MEX3A: variants seen among roughly 807,000 people sequenced by gnomAD.
MEX3A encodes the protein RNA-binding protein MEX3A.
Under a neutral mutation model 30.0 loss-of-function variants are expected in MEX3A, and 4 were observed. The observed-to-expected ratio is 0.13, with a 90% CI of 0.07 to 0.30. The LOEUF is 0.30. Among genes scored for constraint, MEX3A ranks in the 10% least tolerant of loss-of-function variants. MEX3A has a pLI of 1.00. For synonymous variants in MEX3A, 335 were observed against 327.6 expected (o/e 1.02, Z -0.24); for missense variants, 555 against 736.7 (o/e 0.75, Z 2.86).
At chr1:156,078,690 T>A (rs900030671) in intron 1 of MEX3A, among the ~76,000 whole-genome samples, 10 of 152,154 alleles carry the variant, frequency 6.6e-5, no homozygotes, top group Admixed American at 4.6e-4. Context: ...CTCTCCTCCT[T>A]ACCCACCTTC....
In MEX3A at chr1:156,077,694, C is replaced by T. The variant is rs1381510574; in HGVS notation, c.455-12G>A. 1.9e-6 allele frequency: 3 copies of T among 1,565,438 alleles called. No homozygotes were observed. The highest frequency in any genetic ancestry group is 2.6e-6 in the Non-Finnish European group (3 of 1,159,804). On this transcript the variant is annotated splice_polypyrimidine_tract_variant and intron_variant, in intron 1 of 1. Transcript: ENST00000532414. This position sits in a 1 kb window ranked among gnomAD's most constrained non-coding sequence, Gnocchi z 8.3. Reference sequence around the variant, plus strand: ...CTTAATCTTGCAGCCTGGGATAGGGCGGGGAAGGAGAGAGACAAAGAAACG... The same window carrying T: ...CTTAATCTTGCAGCCTGGGATAGGGTGGGGAAGGAGAGAGACAAAGAAACG...
Position 156,077,780 on chromosome 1 carries a change from TC to T in MEX3A, c.455-99del. ...CTGATCCTTACCCAAATACCTAGCC[TC>T]CCAGGAACACTTCAGTCTACCCTTT... On this transcript the variant is annotated intron_variant, in intron 1 of 1. Coordinates refer to ENST00000532414, the MANE Select transcript of MEX3A (RefSeq NM_001093725.2). This position sits in a 1 kb window ranked among gnomAD's most constrained non-coding sequence, Gnocchi z 8.3. The T allele has an allele frequency of 6.9e-7, 1 of 1,444,776 alleles. No homozygotes were observed. Among genetic ancestry groups the T allele is most frequent in the South Asian group, 1.5e-5 (1 of 68,718 alleles). 89.5% of individuals were successfully genotyped at this position (1,444,776 alleles called of 1,614,324 possible). A position where few individuals can be genotyped will look rare whatever the true frequency, so the allele number is the denominator to read the frequency against.
chr1:156,077,793 T>G lies in MEX3A; in HGVS notation c.455-111A>C, dbSNP rs1648115614. On this transcript the variant is annotated intron_variant, in intron 1 of 1. Coordinates refer to ENST00000532414, the MANE Select transcript of MEX3A (RefSeq NM_001093725.2). The surrounding 1 kb of genome is among the most constrained non-coding windows in gnomAD (Gnocchi z 8.3). ...AAATACCTAGCCTCCCAGGAACACTTCAGTCTACCCTTTGAAATGCCCACT... is the reference window on the plus strand; with the variant it reads ...AAATACCTAGCCTCCCAGGAACACTGCAGTCTACCCTTTGAAATGCCCACT... 7.0e-7 allele frequency: 1 copy of G among 1,424,656 alleles called. No individual in the cohort carries two copies. The highest frequency in any genetic ancestry group is 1.4e-5 in the African/African-American group (1 of 69,760). The allele number at this position is 1,424,656 out of a possible 1,614,324, so 88.3% of individuals were successfully genotyped here. A position where few individuals can be genotyped will look rare whatever the true frequency, so the allele number is the denominator to read the frequency against.
rs186607460 is a variant in MEX3A, at chr1:156,072,229, C to T, written c.*4345G>A. ...AGATGCCTCAAATTAAGTCTGACCA[C>T]AATCCTACTCTACTTTCTACAGTGG... is the stretch of plus-strand genomic sequence containing the variant. On this transcript the variant is annotated 3_prime_UTR_variant, in exon 2 of 2. Coordinates refer to ENST00000532414, the MANE Select transcript of MEX3A (RefSeq NM_001093725.2). The T allele has an allele frequency of 2.0e-5, 3 of 152,766 alleles. No individual in the cohort carries two copies. The highest frequency in any genetic ancestry group is 2.0e-4 in the Admixed American group (3 of 15,290). 9.5% of individuals were successfully genotyped at this position (152,766 alleles called of 1,614,324 possible). A position where few individuals can be genotyped will look rare whatever the true frequency, so the allele number is the denominator to read the frequency against.
In MEX3A at chr1:156,075,594, G is replaced by A. The variant is rs1159532203; in HGVS notation, c.*980C>T. The A allele has an allele frequency of 6.5e-6, 1 of 152,772 alleles. No homozygotes were observed. Among genetic ancestry groups the A allele is most frequent in the Non-Finnish European group, 1.5e-5 (1 of 68,060 alleles). 9.5% of individuals were successfully genotyped at this position (152,772 alleles called of 1,614,324 possible). The stretch of plus-strand genomic sequence containing the variant: ...TTGAGATGTTTCTTTGGAGGAGTGG[G>A]GGAGAGGGCCTCCAGATGCCTGAAG... On this transcript the variant is annotated 3_prime_UTR_variant, in exon 2 of 2. Transcript: ENST00000532414.
rs1054498093 is a variant in MEX3A, at chr1:156,074,314, T to A, written c.*2260A>T. On this transcript the variant is annotated 3_prime_UTR_variant, in exon 2 of 2. Transcript: ENST00000532414. Reference sequence around the variant, plus strand: ...ATAATAAATTACCTAATAAAAAGTCTTTTTTTTTCATATTAGCCCAGGTTC... The same window carrying A: ...ATAATAAATTACCTAATAAAAAGTCATTTTTTTTCATATTAGCCCAGGTTC... 2 of 150,048 alleles carry A rather than the reference T, an allele frequency of 1.3e-5. No homozygotes were observed. The highest frequency in any genetic ancestry group is 1.3e-4 in the Admixed American group (2 of 15,086). The allele number at this position is 150,048 out of a possible 1,614,324, so 9.3% of individuals were successfully genotyped here.
rs763926521 is a variant in MEX3A, at chr1:156,077,294, G to A, written c.843C>T (p.Arg281=). 6.2e-7 allele frequency: 1 copy of A among 1,613,946 alleles called. No individual in the cohort carries two copies. Among genetic ancestry groups the A allele is most frequent in the Non-Finnish European group, 8.5e-7 (1 of 1,179,862 alleles). ...CCGCGATGTGCGTCTCGATCTCCTC[G>A]CGCGCACGCTCCACGTTGCCTGGGG... ...TGAPGNVERA[R]EEIETHIAVR... Residue 281 remains arginine, a synonymous_variant, in exon 2 of 2, where the codon CGC becomes CGT. Coordinates refer to ENST00000532414, the MANE Select transcript of MEX3A (RefSeq NM_001093725.2). The surrounding 1 kb of genome is among the most constrained non-coding windows in gnomAD (Gnocchi z 8.3).
In MEX3A at chr1:156,081,931, C is replaced by T. The variant is rs767446628; in HGVS notation, c.68G>A (p.Gly23Glu). 11 of 1,538,628 alleles carry T rather than the reference C, an allele frequency of 7.1e-6. No individual in the cohort carries two copies. In the African/African-American group the frequency reaches 1.1e-4, roughly 16 times the overall value. The change falls in exon 1 of 2, where the codon GGG becomes GAG. Residue 23 changes from glycine (G) to glutamate (E), a missense_variant. Physicochemically the swap from Gly to Glu is moderately conservative, Grantham distance 98. This residue lies in a region of MEX3A where 159 missense variants were observed against 159.9 expected (regional missense o/e 0.99). Coordinates refer to ENST00000532414, the MANE Select transcript of MEX3A (RefSeq NM_001093725.2). ...NGGFGELGCF[G>E]GSAKDRGLLE... ...CAGCCCTCGGTCCTTAGCGCTTCCC[C>T]CGAAACATCCTAGTTCTCCAAAGCC...
chr1:156,079,783 G>A (rs1021498084), intron 1 of MEX3A, among the ~76,000 whole-genome samples: 2 of 152,172 alleles, frequency 1.3e-5, no homozygotes, highest in Non-Finnish European at 2.9e-5. Context: ...ATGAGAGCTA[G>A]GTATCTTTAG....
At chr1:156,081,208 G>GC (rs1403655081) in intron 1 of MEX3A, among the ~76,000 whole-genome samples, 1 of 152,198 alleles carries the variant, frequency 6.6e-6, no homozygotes, top group African/African-American at 2.4e-5. Context: ...GTAACTCTTT[G>GC]CACATTCCGT....
chr1:156,076,871 G>T lies in MEX3A; in HGVS notation c.1266C>A (p.Pro422=). Residue 422 remains proline, a synonymous_variant, in exon 2 of 2, where the codon CCC becomes CCA. Coordinates refer to ENST00000532414, the MANE Select transcript of MEX3A (RefSeq NM_001093725.2). This position sits in a 1 kb window ranked among gnomAD's most constrained non-coding sequence, Gnocchi z 6.0. ...SSSSAKARAG[P]PGAHRSPATS... is the part of the protein sequence containing the mutation. ...TGGCAGGGGAGCGGTGTGCGCCCGG[G>T]GGCCCAGCGCGGGCCTTGGCGGAAG... 2 of 1,538,966 alleles carry T rather than the reference G, an allele frequency of 1.3e-6. No homozygotes were observed. Among genetic ancestry groups the T allele is most frequent in the Non-Finnish European group, 1.8e-6 (2 of 1,142,308 alleles).
chr1:156,077,037 C>G lies in MEX3A; in HGVS notation c.1100G>C (p.Gly367Ala). 1 of 1,613,832 alleles carries G rather than the reference C, an allele frequency of 6.2e-7. No individual in the cohort carries two copies. Among genetic ancestry groups the G allele is most frequent in the Admixed American group, 1.7e-5 (1 of 60,028 alleles). ...CACGCCATAGCCCGGAAAGAGGTAC[C>G]CGCCGTAGCCAAAGTCCCCGCCCTG... ...GEQGGDFGYG[G>A]YLFPGYGVGK... The change falls in exon 2 of 2, where the codon GGG (glycine) becomes GCG (alanine). Residue 367 changes from glycine to alanine, a missense_variant. Transcript: ENST00000532414. The surrounding 1 kb of genome is among the most constrained non-coding windows in gnomAD (Gnocchi z 8.3).
chr1:156,077,321 A>C lies in MEX3A; in HGVS notation c.816T>G (p.Gly272=), dbSNP rs1217182346. Residue 272 remains glycine (G), a synonymous_variant, in exon 2 of 2, where the codon GGT becomes GGG. Coordinates refer to ENST00000532414, the MANE Select transcript of MEX3A (RefSeq NM_001093725.2). The surrounding 1 kb of genome is among the most constrained non-coding windows in gnomAD (Gnocchi z 8.3). ...RDRDPVFEIT[G]APGNVERARE... is the part of the protein sequence containing the mutation. ...GCGCACGCTCCACGTTGCCTGGGGC[A>C]CCCGTGATCTCGAACACGGGGTCGC... 1.2e-6 allele frequency: 2 copies of C among 1,613,798 alleles called. No homozygotes were observed. Among genetic ancestry groups the C allele is most frequent in the African/African-American group, 2.7e-5 (2 of 74,944 alleles).
Position 156,076,925 on chromosome 1 carries a change from G to A in MEX3A, c.1212C>T (p.Leu404=), listed in dbSNP as rs756756497. The A allele has an allele frequency of 1.3e-6, 2 of 1,594,732 alleles. No individual in the cohort carries two copies. Among genetic ancestry groups the A allele is most frequent in the Non-Finnish European group, 1.7e-6 (2 of 1,170,706 alleles). The change falls in exon 2 of 2, where the codon CTC becomes CTT. Residue 404 remains leucine (L), a synonymous_variant. Transcript: ENST00000532414. The surrounding 1 kb of genome is among the most constrained non-coding windows in gnomAD (Gnocchi z 6.0). ...GQENATPTSV[L]FSSASSSSSS... ...AGGAGGAGGAGGAGGCAGAGGAGAA[G>A]AGCACGGAGGTGGGCGTGGCGTTCT...
rs536873415 is a variant in MEX3A, at chr1:156,072,106, C to T, written c.*4468G>A. On this transcript the variant is annotated 3_prime_UTR_variant, in exon 2 of 2. Coordinates refer to ENST00000532414, the MANE Select transcript of MEX3A (RefSeq NM_001093725.2). ...CTTGGTTTCTCTGCATTTTGTGCAACATCACTTTGACTTGATTATTCTTGG... is the reference window on the plus strand; with the variant it reads ...CTTGGTTTCTCTGCATTTTGTGCAATATCACTTTGACTTGATTATTCTTGG... 15 of 152,906 alleles carry T rather than the reference C, an allele frequency of 9.8e-5. No homozygotes were observed. The highest frequency in any genetic ancestry group is 2.6e-4 in the African/African-American group (11 of 41,570). 9.5% of individuals were successfully genotyped at this position (152,906 alleles called of 1,614,324 possible). A position where few individuals can be genotyped will look rare whatever the true frequency, so the allele number is the denominator to read the frequency against.
Position 156,077,489 on chromosome 1 carries a change from C to G in MEX3A, c.648G>C (p.Val216=). The part of the protein sequence containing the change: ...SRNKSGAAFG[V]APALPGQVTI... The stretch of plus-strand genomic sequence containing the variant: ...TCACCTGGCCGGGCAGAGCAGGAGC[C>G]ACACCAAAGGCGGCGCCTGACTTGT... The change falls in exon 2 of 2, where the codon GTG becomes GTC. Residue 216 remains valine (V), a synonymous_variant. Coordinates refer to ENST00000532414, the MANE Select transcript of MEX3A (RefSeq NM_001093725.2). This position sits in a 1 kb window ranked among gnomAD's most constrained non-coding sequence, Gnocchi z 8.3. The G allele has an allele frequency of 1.2e-6, 2 of 1,613,280 alleles. No individual in the cohort carries two copies. The highest frequency in any genetic ancestry group is 2.2e-5 in the South Asian group (2 of 90,980).
Position 156,082,030 on chromosome 1 carries a change from GA to G in MEX3A, c.-33del. 1 of 844,400 alleles carries G rather than the reference GA, an allele frequency of 1.2e-6. No homozygotes were observed. The allele number at this position is 844,400 out of a possible 1,614,324, so 52.3% of individuals were successfully genotyped here. A position where few individuals can be genotyped will look rare whatever the true frequency, so the allele number is the denominator to read the frequency against. ...ACAAAAGCTGGGGGAGAGAGAGAGG[GA>G]GAGAGAGAGAGAGAGGTGGTGGAAG... On this transcript the variant is annotated 5_prime_UTR_variant, in exon 1 of 2. Coordinates refer to ENST00000532414, the MANE Select transcript of MEX3A (RefSeq NM_001093725.2).
At position 156,082,028 on chromosome 1, in the gene MEX3A, G is replaced by GA; in HGVS notation, c.-31_-30insT. 7.1e-7 allele frequency: 1 copy of GA among 1,402,574 alleles called. No individual in the cohort carries two copies. Among genetic ancestry groups the GA allele is most frequent in the Admixed American group, 2.4e-5 (1 of 41,530 alleles). The allele number at this position is 1,402,574 out of a possible 1,614,324, so 86.9% of individuals were successfully genotyped here. A position where few individuals can be genotyped will look rare whatever the true frequency, so the allele number is the denominator to read the frequency against. On this transcript the variant is annotated 5_prime_UTR_variant, in exon 1 of 2. Coordinates refer to ENST00000532414, the MANE Select transcript of MEX3A (RefSeq NM_001093725.2). The stretch of plus-strand genomic sequence containing the variant: ...AAACAAAAGCTGGGGGAGAGAGAGA[G>GA]GGAGAGAGAGAGAGAGAGGTGGTGG...
Position 156,072,841 on chromosome 1 carries a change from C to T in MEX3A, c.*3733G>A, listed in dbSNP as rs1430435020. ...GGCCTTCAAGGACAGTGTTTCCACT[C>T]CACTCCGTGGGAAGTCCTTCTTGGA... On this transcript the variant is annotated 3_prime_UTR_variant, in exon 2 of 2. Coordinates refer to ENST00000532414, the MANE Select transcript of MEX3A (RefSeq NM_001093725.2). The T allele has an allele frequency of 6.6e-6, 1 of 152,434 alleles. No homozygotes were observed. Among genetic ancestry groups the T allele is most frequent in the African/African-American group, 2.4e-5 (1 of 41,454 alleles). 9.4% of individuals were successfully genotyped at this position (152,434 alleles called of 1,614,324 possible). A position where few individuals can be genotyped will look rare whatever the true frequency, so the allele number is the denominator to read the frequency against.
Sources: allele counts gnomAD v4.1 joint callset (sites outside exome capture counted in the v4.1 genomes callset), GRCh38; gene constraint gnomAD v4.1.1; regional missense constraint gnomAD v4.1.1; non-coding constraint Gnocchi (gnomAD v3.1); transcripts MANE v1.5; gene names NCBI Gene and HGNC (gene_info 2026-07-23, HGNC 2026-07-21).